The following SPRED2 variants were observed in gnomAD, a reference collection of about 807,000 sequenced individuals.
SPRED2 encodes sprouty-related, EVH1 domain-containing protein 2.
A neutral mutation model predicts 43.0 loss-of-function variants in SPRED2; 47 were observed. That is an observed-to-expected ratio of 1.09 (90% CI 0.87 to 1.40). The LOEUF is 1.40. SPRED2 is among the 40% of genes most tolerant of loss of function. The pLI, the probability that SPRED2 is intolerant of heterozygous loss-of-function variation, is 0.00. For missense variants in SPRED2, 561 were observed against 586.4 expected (o/e 0.96, Z 0.45); for synonymous variants, 225 against 225.7 (o/e 1.00, Z 0.03).
At position 65,432,268 on chromosome 2, in the gene SPRED2, G is replaced by T; in HGVS notation, c.-281C>A. The T allele has an allele frequency of 2.2e-6, 1 of 454,876 alleles. No individual in the cohort carries two copies. The highest frequency in any genetic ancestry group is 2.6e-5 in the South Asian group (1 of 38,506). 28.2% of individuals were successfully genotyped at this position (454,876 alleles called of 1,614,324 possible). On this transcript the variant is annotated 5_prime_UTR_variant, in exon 1 of 6. Coordinates refer to ENST00000356388, the MANE Select transcript of SPRED2 (RefSeq NM_181784.3). ...GCTCGGGAGCGGGCAGAGGGGGCGAGATTTGGGAAGGGGACGGCGGTGGGG... is the reference window on the plus strand; with the variant it reads ...GCTCGGGAGCGGGCAGAGGGGGCGATATTTGGGAAGGGGACGGCGGTGGGG...
chr2:65,353,483 A>G (rs934195512), intron 1 of SPRED2, among the ~76,000 whole-genome samples: 8 of 152,226 alleles, frequency 5.3e-5, no homozygotes, highest in African/African-American at 1.4e-4. Flanking sequence ...TAATTTATCA[A>G]TCATTCTTCA....
chr2:65,416,247 G>C (rs550310813), intron 1 of SPRED2, among the ~76,000 whole-genome samples: 11 of 152,184 alleles, frequency 7.2e-5, no homozygotes, highest in Non-Finnish European at 1.0e-4. Context: ...GTTTCTCCTT[G>C]GTGACATCCC....
intron 1 of SPRED2, among the ~76,000 whole-genome samples, chr2:65,401,919 GAAT>G (rs1558685487): frequency 2.0e-5 from 3 of 146,998 alleles, no homozygotes; most frequent in Non-Finnish European, 4.5e-5. Flanking sequence ...AAAACGATCA[GAAT>G]ATTAGCGCGC....
chr2:65,339,677 G>T (rs1403884475), intron 2 of SPRED2, among the ~76,000 whole-genome samples: 1 of 145,412 alleles, frequency 6.9e-6, no homozygotes. Flanking sequence ...ATCCCCCTCT[G>T]TGAGAAACAC....
At position 65,313,773 on chromosome 2, in the gene SPRED2, C is replaced by T; in HGVS notation, c.985G>A (p.Ala329Thr). The T allele has an allele frequency of 6.2e-7, 1 of 1,614,158 alleles. No individual in the cohort carries two copies. The highest frequency in any genetic ancestry group is 8.5e-7 in the Non-Finnish European group (1 of 1,180,014). The stretch of plus-strand genomic sequence containing the variant: ...ATGCAAGTTCTCACGGAGTCGGGCG[C>T]GTCCTGGCAGTGGCCCCGGCGGTTC... ...EENRRGHCQD[A>T]PDSVRTCIRR... The change falls in exon 6 of 6, where the codon GCG becomes ACG. Residue 329 changes from alanine (A) to threonine (T), a missense_variant. Coordinates refer to ENST00000356388, the MANE Select transcript of SPRED2 (RefSeq NM_181784.3).
intron 2 of SPRED2, chr2:65,344,313 T>A: frequency 3.7e-6 from 1 of 268,210 alleles, no homozygotes; most frequent in Non-Finnish European, 7.4e-6. Context: ...CTGTTTTACC[T>A]GCCACCATCC....
intron 1 of SPRED2, among the ~76,000 whole-genome samples, chr2:65,350,905 C>T (rs142461465): frequency 6.6e-6 from 1 of 152,360 alleles, no homozygotes; most frequent in African/African-American, 2.4e-5. Flanking sequence ...AAGTCCCCAG[C>T]CCTCTCAGGA....
intron 1 of SPRED2, among the ~76,000 whole-genome samples, chr2:65,430,563 A>G (rs1457964874): frequency 2.0e-5 from 3 of 152,240 alleles, no homozygotes; most frequent in Non-Finnish European, 4.4e-5. Flanking sequence ...CCAGTCGCCC[A>G]GCCCTGAGTC....
intron 1 of SPRED2, among the ~76,000 whole-genome samples, chr2:65,414,364 A>G (rs537571312): frequency 1.4e-4 from 21 of 152,306 alleles, no homozygotes; most frequent in Non-Finnish European, 2.8e-4. Context: ...TAACCTCTGA[A>G]GCTAATATTC....
intron 1 of SPRED2, among the ~76,000 whole-genome samples, chr2:65,426,163 C>T (rs1252814458): frequency 6.6e-6 from 1 of 152,112 alleles, no homozygotes; most frequent in African/African-American, 2.4e-5. Flanking sequence ...TGTCAGTTCT[C>T]GCAACAATGA....
intron 1 of SPRED2, chr2:65,377,796 C>G (rs1675280113): frequency 2.2e-6 from 1 of 445,922 alleles, no homozygotes; most frequent in Non-Finnish European, 4.7e-6. Context: ...CAGCAGAGAC[C>G]AAAGAGGAGC....
At chr2:65,339,407 T>C (rs1181797909) in intron 2 of SPRED2, among the ~76,000 whole-genome samples, 1 of 151,686 alleles carries the variant, frequency 6.6e-6, no homozygotes, top group Non-Finnish European at 1.5e-5. Flanking sequence ...CTTGGGATCC[T>C]GTTGATCTAT....
intron 1 of SPRED2, among the ~76,000 whole-genome samples, chr2:65,382,393 T>C (rs185783078): frequency 3.3e-5 from 5 of 152,348 alleles, no homozygotes; most frequent in Admixed American, 6.5e-5. Context: ...ATTAACTTTT[T>C]GCCTGGAAGC....
intron 1 of SPRED2, among the ~76,000 whole-genome samples, chr2:65,409,462 T>A (rs1023389754): frequency 2.6e-5 from 4 of 152,204 alleles, no homozygotes; most frequent in Non-Finnish European, 4.4e-5. Flanking sequence ...TCAGAACATT[T>A]AAAATTACAT....
intron 1 of SPRED2, among the ~76,000 whole-genome samples, chr2:65,379,089 G>A (rs993763525): frequency 6.6e-6 from 1 of 152,104 alleles, no homozygotes; most frequent in East Asian, 1.9e-4. Flanking sequence ...AAGATGACAC[G>A]AGAGCTATAG....
intron 1 of SPRED2, among the ~76,000 whole-genome samples, chr2:65,362,063 C>A (rs557506772): frequency 6.6e-6 from 1 of 152,196 alleles, no homozygotes; most frequent in African/African-American, 2.4e-5. Flanking sequence ...GTCATCTCTT[C>A]GATTGAAATC....
intron 2 of SPRED2, 70 bp from the exon 3 acceptor site, chr2:65,334,843 A>T: frequency 6.5e-7 from 1 of 1,540,866 alleles, no homozygotes; most frequent in Non-Finnish European, 8.9e-7. Flanking sequence ...ACAGAAGTCT[A>T]ATTAGGAACC....
intron 1 of SPRED2, among the ~76,000 whole-genome samples, chr2:65,387,928 G>A (rs928702222): frequency 3.9e-5 from 6 of 152,162 alleles, no homozygotes; most frequent in Middle Eastern, 3.4e-3. Flanking sequence ...AAGTAGCTGG[G>A]ATTACACATG....
intron 1 of SPRED2, among the ~76,000 whole-genome samples, chr2:65,364,498 A>C (rs1243004261): frequency 6.6e-6 from 1 of 152,230 alleles, no homozygotes; most frequent in South Asian, 2.1e-4. Context: ...GATGGCTCAC[A>C]GTGCTTAACA....
Sources: gnomAD v4.1 joint callset for allele counts (sites outside exome capture counted in the v4.1 genomes callset) on GRCh38, gnomAD v4.1.1 for gene constraint, MANE v1.5 for transcripts, NCBI Gene and HGNC (gene_info 2026-07-23, HGNC 2026-07-21) for gene names.